CNTLN: variants seen among roughly 807,000 people sequenced by gnomAD.
CNTLN encodes centlein.
A neutral mutation model predicts 180.0 loss-of-function variants in CNTLN; 212 were observed. The ratio of observed to expected loss-of-function variants is 1.18; its 90% CI spans 1.05 to 1.32. The LOEUF (loss-of-function observed/expected upper bound fraction) is 1.32, where lower values mean the gene tolerates loss of function less well. Ranked by LOEUF, CNTLN falls within the 40% of genes most tolerant of loss-of-function variation. CNTLN has a pLI of 0.00. For missense variants in CNTLN, 2,095 were observed against 1,610.9 expected (o/e 1.30, Z -5.14); for synonymous variants, 722 against 563.1 (o/e 1.28, Z -3.99).
At chr9:17,325,701 G>A (rs989156269) in intron 8 of CNTLN, among the ~76,000 whole-genome samples, 1 of 151,810 alleles carries the variant, frequency 6.6e-6, no homozygotes, top group Non-Finnish European at 1.5e-5. Context: ...TTTGTTATGT[G>A]TTGACAGGTT....
At chr9:17,174,142 T>C (rs1232896565) in intron 2 of CNTLN, among the ~76,000 whole-genome samples, 3 of 152,214 alleles carry the variant, frequency 2.0e-5, no homozygotes, top group Non-Finnish European at 4.4e-5. Flanking sequence ...TCTCTGGTGA[T>C]TCTTTCAAAT....
intron 2 of CNTLN, among the ~76,000 whole-genome samples, chr9:17,174,961 C>A (rs752988274): frequency 1.6e-4 from 25 of 152,138 alleles, no homozygotes; most frequent in Non-Finnish European, 1.8e-4. Flanking sequence ...TCGATGAGGA[C>A]ATGTCTTTTG....
chr9:17,457,804 A>G (rs566011528), intron 19 of CNTLN, 89 bp downstream of exon 19: 3 of 834,022 alleles, frequency 3.6e-6, no homozygotes, highest in East Asian at 6.7e-5. Flanking sequence ...TATTCTAATA[A>G]AGGTAAATTA....
intron 2 of CNTLN, among the ~76,000 whole-genome samples, chr9:17,213,935 A>T (rs373322232): frequency 6.6e-6 from 1 of 151,580 alleles, no homozygotes; most frequent in East Asian, 1.9e-4. Flanking sequence ...CTTTATTTTG[A>T]GCGTATGTGT....
intron 12 of CNTLN, among the ~76,000 whole-genome samples, chr9:17,357,738 T>G (rs905365177): frequency 6.6e-6 from 1 of 151,378 alleles, no homozygotes; most frequent in Non-Finnish European, 1.5e-5. Context: ...AAGTCAATTT[T>G]GTCACACGAA....
chr9:17,152,766 A>T (rs1818979832), intron 2 of CNTLN, among the ~76,000 whole-genome samples: 1 of 152,060 alleles, frequency 6.6e-6, no homozygotes, highest in African/African-American at 2.4e-5. Context: ...GGGGTGTCAA[A>T]CTCACCCACT....
intron 10 of CNTLN, among the ~76,000 whole-genome samples, chr9:17,339,795 G>A (rs7854802): frequency 0.59 from 88,988 of 151,990 alleles, 26,376 homozygotes; most frequent in East Asian, 0.73. Flanking sequence ...TAAGAATTTC[G>A]TCTTTATAAA....
At chr9:17,322,582 G>A (rs1249036033) in intron 8 of CNTLN, among the ~76,000 whole-genome samples, 2 of 152,006 alleles carry the variant, frequency 1.3e-5, no homozygotes, top group African/African-American at 2.4e-5. Flanking sequence ...CACTTCTCTT[G>A]CCGCTGTAAT....
In CNTLN at chr9:17,499,532, T is replaced by C. The variant is rs545954030; in HGVS notation, c.4120-3019T>C. ...AGGTTATTTTTAAAACCAAAGTTGT[T>C]AGTGCATTCATTATTTGAATACATA... On this transcript the variant is annotated intron_variant, in intron 25 of 25. Transcript: ENST00000380647. 2.6e-5 allele frequency among the ~76,000 whole-genome samples: 4 copies of C among 152,304 alleles called. No individual in the cohort carries two copies. The East Asian group carries it at 7.7e-4, about 29-fold the overall frequency.
At chr9:17,258,419 T>G (rs201741134) in intron 5 of CNTLN, among the ~76,000 whole-genome samples, 1 of 151,122 alleles carries the variant, frequency 6.6e-6, no homozygotes, top group Non-Finnish European at 1.5e-5. Flanking sequence ...CATGATGCCT[T>G]CAGCTTTGTT....
intron 11 of CNTLN, among the ~76,000 whole-genome samples, chr9:17,341,510 A>C (rs141465378): frequency 6.6e-6 from 1 of 152,236 alleles, no homozygotes; most frequent in Non-Finnish European, 1.5e-5. Flanking sequence ...GATCTTGGTT[A>C]GTCGTAAGTG....
At chr9:17,435,480 G>C (rs1196142861) in intron 18 of CNTLN, among the ~76,000 whole-genome samples, 2 of 152,016 alleles carry the variant, frequency 1.3e-5, no homozygotes, top group Non-Finnish European at 2.9e-5. Flanking sequence ...TTAAAAGATG[G>C]TAGGAGGAGC....
At chr9:17,507,898 T>G (rs1833961158), downstream of CNTLN, among the ~76,000 whole-genome samples, 1 of 152,208 alleles carries the variant, frequency 6.6e-6, no homozygotes, top group African/African-American at 2.4e-5. Flanking sequence ...TTTGCCACAT[T>G]CAACTTTCCT....
intron 5 of CNTLN, among the ~76,000 whole-genome samples, chr9:17,247,139 A>G (rs1442769480): frequency 6.6e-6 from 1 of 151,868 alleles, no homozygotes; most frequent in Non-Finnish European, 1.5e-5. Flanking sequence ...CCTGGGTGGT[A>G]TTTTATTAGG....
chr9:17,471,159 TA>T (rs1832026185), intron 23 of CNTLN, among the ~76,000 whole-genome samples: 1 of 152,050 alleles, frequency 6.6e-6, no homozygotes, highest in Non-Finnish European at 1.5e-5. Context: ...ACCTGTTTTT[TA>T]AAAATTCATT....
At chr9:17,370,345 A>T (rs868845572) in intron 13 of CNTLN, among the ~76,000 whole-genome samples, 1 of 152,342 alleles carries the variant, frequency 6.6e-6, no homozygotes. Context: ...GAGCTTCAAT[A>T]TGCTGGCAGC....
chr9:17,385,732 A>G (rs1161875702), intron 13 of CNTLN, among the ~76,000 whole-genome samples: 1 of 152,212 alleles, frequency 6.6e-6, no homozygotes, highest in East Asian at 1.9e-4. Context: ...ACAATGTAGT[A>G]TAACAATATT....
At chr9:17,164,168 C>T (rs1270135120) in intron 2 of CNTLN, among the ~76,000 whole-genome samples, 1 of 151,642 alleles carries the variant, frequency 6.6e-6, no homozygotes, top group Admixed American at 6.6e-5. Context: ...AAAAATTAAA[C>T]TGGCATGGTG....
chr9:17,515,867 G>A, the CNTLN span, among the ~76,000 whole-genome samples: 1,038 of 152,240 alleles, frequency 6.8e-3, 10 homozygotes, highest in African/African-American at 0.024. Flanking sequence ...TCATTCCTCT[G>A]CTCACAATCC....
Sources: allele counts gnomAD v4.1 joint callset (sites outside exome capture counted in the v4.1 genomes callset), GRCh38; gene constraint gnomAD v4.1.1; transcripts MANE v1.5; gene names NCBI Gene and HGNC (gene_info 2026-07-23, HGNC 2026-07-21).